Variants in GMCL1 observed in about 807,000 individuals in gnomAD.
GMCL1 encodes germ cell-less protein-like 1.
Under a neutral mutation model 75.5 loss-of-function variants are expected in GMCL1, and 54 were observed. That is an observed-to-expected ratio of 0.71 (90% CI 0.57 to 0.90). The LOEUF (loss-of-function observed/expected upper bound fraction) is 0.90, where lower values mean the gene tolerates loss of function less well. Ranked by LOEUF, GMCL1 falls within the 40% of genes least tolerant of loss-of-function variation. The pLI, the probability that GMCL1 is intolerant of heterozygous loss-of-function variation, is 0.00. For missense variants in GMCL1, 537 were observed against 622.7 expected (o/e 0.86, Z 1.47); for synonymous variants, 210 against 209.6 (o/e 1.00, Z -0.02).
intron 1 of GMCL1, among the ~76,000 whole-genome samples, chr2:69,830,806 C>G (rs1179036568): frequency 6.7e-6 from 1 of 148,844 alleles, no homozygotes; most frequent in Admixed American, 6.7e-5. Context: ...GGAATATTGA[C>G]TTGTGACCTG....
Position 69,849,672 on chromosome 2 carries a change from G to A in GMCL1, c.864G>A (p.Val288=), listed in dbSNP as rs1675254271. The A allele has an allele frequency of 5.1e-6, 8 of 1,579,762 alleles. No individual in the cohort carries two copies. The Admixed American group carries it at 7.2e-5, about 14-fold the overall frequency. Residue 288 remains valine, a synonymous_variant, in exon 8 of 14, where the codon GTG becomes GTA. Coordinates refer to ENST00000282570, the MANE Select transcript of GMCL1 (RefSeq NM_178439.5). ...ALKKWMFLQL[V]PSWNGSLKQL... ...CTTAGTGGATGTTCCTTCAACTTGTGCCTTCTTGGAATGGATCTTTAAAAC... is the reference window on the plus strand; with the variant it reads ...CTTAGTGGATGTTCCTTCAACTTGTACCTTCTTGGAATGGATCTTTAAAAC...
intron 13 of GMCL1, among the ~76,000 whole-genome samples, chr2:69,872,992 G>A (rs144513223): frequency 1.8e-4 from 27 of 152,316 alleles, no homozygotes; most frequent in African/African-American, 6.3e-4. Context: ...ATAAAGACAG[G>A]CTTGTGTTAA....
At chr2:69,865,510 T>A (rs1220291425) in intron 11 of GMCL1, among the ~76,000 whole-genome samples, 1 of 151,826 alleles carries the variant, frequency 6.6e-6, no homozygotes, top group African/African-American at 2.4e-5. Flanking sequence ...TAGCCAGGCA[T>A]GGTGGTGCAT....
At chr2:69,845,029 G>A (rs1675095939) in intron 6 of GMCL1, 1 of 156,520 alleles carries the variant, frequency 6.4e-6, no homozygotes, top group African/African-American at 2.4e-5. Flanking sequence ...CACTTTGGGA[G>A]GCCAAGGTGG....
In GMCL1 at chr2:69,853,896, G is replaced by A. The variant is rs1038145830; in HGVS notation, c.935-927G>A. Among the ~76,000 whole-genome samples the A allele has an allele frequency of 2.6e-4, 39 of 152,050 alleles. 1 individual carries two copies. The highest frequency in any genetic ancestry group is 7.2e-5 in the African/African-American group (3 of 41,492). ...CAGCTCACTGCATCCTCTGCCTCCC[G>A]GGTTTAAGCAATTCTCTGCCTCAGC... On this transcript the variant is annotated intron_variant, in intron 8 of 13. Transcript: ENST00000282570.
intron 12 of GMCL1, among the ~76,000 whole-genome samples, chr2:69,871,066 G>A (rs565153064): frequency 5.0e-4 from 76 of 152,256 alleles, no homozygotes; most frequent in Non-Finnish European, 8.8e-4. Context: ...AGATATTTTT[G>A]TATACTTATG....
intron 2 of GMCL1, among the ~76,000 whole-genome samples, chr2:69,839,175 T>C (rs977962475): frequency 4.6e-5 from 7 of 152,226 alleles, no homozygotes; most frequent in Non-Finnish European, 1.0e-4. Context: ...GCTAACCAGG[T>C]TCAAATAATA....
intron 10 of GMCL1, among the ~76,000 whole-genome samples, chr2:69,864,590 CTTTTTTTTT>C (rs534389389): frequency 3.4e-5 from 3 of 88,364 alleles, no homozygotes; most frequent in Admixed American, 1.3e-4. Context: ...TAGACTTTTA[CTTTTTTTTT>C]TTTTTTTTTT....
At chr2:69,832,808 A>G (rs1160465532) in intron 1 of GMCL1, among the ~76,000 whole-genome samples, 2 of 152,254 alleles carry the variant, frequency 1.3e-5, no homozygotes, top group Non-Finnish European at 2.9e-5. Flanking sequence ...CAATTTGAAT[A>G]CAGGAAATTT....
intron 11 of GMCL1, among the ~76,000 whole-genome samples, chr2:69,867,678 TA>T (rs1283674840): frequency 3.3e-5 from 5 of 152,238 alleles, no homozygotes; most frequent in Non-Finnish European, 7.3e-5. Context: ...CTCACCTGGC[TA>T]AACCCCAACT....
intron 9 of GMCL1, among the ~76,000 whole-genome samples, chr2:69,857,835 G>A (rs950605410): frequency 2.0e-5 from 3 of 152,066 alleles, no homozygotes; most frequent in Non-Finnish European, 4.4e-5. Context: ...AGTTTTAAGT[G>A]GATTCATGTT....
At chr2:69,849,505 G>A (rs1255754362) in intron 7 of GMCL1, 147 bp from the exon 8 acceptor site, 2 of 548,826 alleles carry the variant, frequency 3.6e-6, no homozygotes, top group Non-Finnish European at 6.4e-6. Context: ...AGTGCTTATA[G>A]TTGTACTTTC....
chr2:69,837,937 G>A (rs1674866898), intron 2 of GMCL1, among the ~76,000 whole-genome samples: 2 of 152,140 alleles, frequency 1.3e-5, no homozygotes, highest in Admixed American at 1.3e-4. Context: ...GCCTTCTGTT[G>A]ATAAAAGGGG....
chr2:69,837,135 C>G (rs538000859), intron 1 of GMCL1, among the ~76,000 whole-genome samples: 1 of 152,182 alleles, frequency 6.6e-6, no homozygotes, highest in East Asian at 1.9e-4. Flanking sequence ...TCTCCATTTC[C>G]TACTTGCAGA....
chr2:69,853,723 CTG>C (rs1028757424), intron 8 of GMCL1, among the ~76,000 whole-genome samples: 7 of 152,016 alleles, frequency 4.6e-5, no homozygotes, highest in African/African-American at 9.7e-5. Context: ...TGGAATGTAA[CTG>C]AGGGTAATTT....
rs1674618297 is a variant in GMCL1, at chr2:69,829,889, AC to A, written c.-1del. On this transcript the variant is annotated 5_prime_UTR_variant, in exon 1 of 14. Coordinates refer to ENST00000282570, the MANE Select transcript of GMCL1 (RefSeq NM_178439.5). The stretch of plus-strand genomic sequence containing the variant: ...CTCCCTGAAGTCTCGGGGAGCCGTG[AC>A]CCATGGGATCGTTGAGCAGCCGGGT... 1 of 1,589,172 alleles carries A rather than the reference AC, an allele frequency of 6.3e-7. No homozygotes were observed. The highest frequency in any genetic ancestry group is 8.6e-7 in the Non-Finnish European group (1 of 1,168,206).
intron 1 of GMCL1, among the ~76,000 whole-genome samples, chr2:69,833,701 T>G (rs989960002): frequency 3.9e-5 from 6 of 152,244 alleles, no homozygotes; most frequent in Non-Finnish European, 8.8e-5. Context: ...TTCCTGAGGT[T>G]GTCTGGTGTG....
Position 69,854,148 on chromosome 2 carries a change from T to TATC in GMCL1, c.935-672_935-670dup, listed in dbSNP as rs1553371682. ...TTATTATTATTATTATTATTATTAT[T>TATC]ATCATTATTACTTATTTTAGAGACA... On this transcript the variant is annotated intron_variant, in intron 8 of 13. Coordinates refer to ENST00000282570, the MANE Select transcript of GMCL1 (RefSeq NM_178439.5). Among the ~76,000 whole-genome samples, 17 of 141,462 alleles carry TATC rather than the reference T, an allele frequency of 1.2e-4. 1 individual carries two copies. The South Asian group carries it at 2.4e-3, about 20-fold the overall frequency. The allele number at this position is 141,462 out of a possible 152,430, so 92.8% of individuals were successfully genotyped here.
intron 9 of GMCL1, among the ~76,000 whole-genome samples, chr2:69,855,963 T>C (rs1276053369): frequency 6.6e-6 from 1 of 152,206 alleles, no homozygotes; most frequent in Non-Finnish European, 1.5e-5. Flanking sequence ...TTAATTTAAG[T>C]GTGCCTGTGA....
Sources: allele counts gnomAD v4.1 joint callset (sites outside exome capture counted in the v4.1 genomes callset), GRCh38; gene constraint gnomAD v4.1.1; transcripts MANE v1.5; gene names NCBI Gene and HGNC (gene_info 2026-07-23, HGNC 2026-07-21).